PSD3: variants seen among roughly 807,000 people sequenced by gnomAD.
PSD3 encodes the protein pleckstrin and Sec7 domain containing 3, also known as PH and SEC7 domain-containing protein 3.
Under a neutral mutation model 105.5 loss-of-function variants are expected in PSD3, and 49 were observed. The ratio of observed to expected loss-of-function variants is 0.46; its 90% CI spans 0.37 to 0.59. The LOEUF is 0.59. Among genes scored for constraint, PSD3 ranks in the 20% least tolerant of loss-of-function variants. The probability of loss-of-function intolerance (pLI) is 0.00; values close to 1 mark genes in which losing one functional copy is unlikely to be tolerated. For missense variants in PSD3, 1,561 were observed against 1,263.8 expected (o/e 1.24, Z -3.57); for synonymous variants, 557 against 457.8 (o/e 1.22, Z -2.77).
chr8:18,776,000 T>C (rs1808030580), intron 8 of PSD3, among the ~76,000 whole-genome samples: 1 of 152,152 alleles, frequency 6.6e-6, no homozygotes, highest in South Asian at 2.1e-4. Context: ...AACTCTTTAA[T>C]CCAAGTTGAG....
Position 18,655,626 on chromosome 8 carries a change from C to T in PSD3, c.2216+16G>A, listed in dbSNP as rs200179513. ...GAGTAGTTCATTATTAAAAGGCTGA[C>T]GTCCAGCACACTTACACTGCCCATT... is the stretch of plus-strand genomic sequence containing the variant. On this transcript the variant is annotated intron_variant, in intron 10 of 15. Coordinates refer to ENST00000327040, the MANE Select transcript of PSD3 (RefSeq NM_015310.4). The T allele has an allele frequency of 2.3e-5, 37 of 1,612,176 alleles. No homozygotes were observed. Among genetic ancestry groups the T allele is most frequent in the Admixed American group, 1.2e-4 (7 of 59,988 alleles).
At chr8:18,642,078 G>C (rs1807686127) in intron 10 of PSD3, among the ~76,000 whole-genome samples, 1 of 152,110 alleles carries the variant, frequency 6.6e-6, no homozygotes, top group South Asian at 2.1e-4. Flanking sequence ...CAAGAAAAAT[G>C]CTGCCAGATA....
At chr8:19,048,883 G>T (rs769902521) in intron 1 of PSD3, among the ~76,000 whole-genome samples, 1 of 152,180 alleles carries the variant, frequency 6.6e-6, no homozygotes, top group Non-Finnish European at 1.5e-5. Context: ...CAGCTCTGGA[G>T]ACTAGAAGGC....
intron 2 of PSD3, among the ~76,000 whole-genome samples, chr8:18,886,400 C>T (rs1291369316): frequency 2.0e-5 from 3 of 152,074 alleles, no homozygotes; most frequent in East Asian, 1.9e-4. Flanking sequence ...CGGGCATCCC[C>T]GAATAAATGC....
At position 18,674,089 on chromosome 8, in the gene PSD3, T is replaced by A. The variant is rs1026293278; in HGVS notation, c.2173-18404A>T. ...TGAGCCCAGGAAGTGGAGGGTGCAG[T>A]GAGCAGTGATCGTGCCACTGCAGTC... On this transcript the variant is annotated intron_variant, in intron 9 of 15. Coordinates refer to ENST00000327040, the MANE Select transcript of PSD3 (RefSeq NM_015310.4). 1.1e-4 allele frequency among the ~76,000 whole-genome samples: 16 copies of A among 151,742 alleles called. No individual in the cohort carries two copies. The East Asian group carries it at 2.9e-3, about 28-fold the overall frequency.
chr8:18,587,244 C>T (rs1464729416), intron 12 of PSD3, among the ~76,000 whole-genome samples: 1 of 152,132 alleles, frequency 6.6e-6, no homozygotes, highest in Non-Finnish European at 1.5e-5. Flanking sequence ...GCATGGGGGA[C>T]ACTATGCCAC....
In PSD3 at chr8:18,686,513, G is replaced by A. The variant is rs147257791; in HGVS notation, c.2173-30828C>T. 9.6e-4 allele frequency among the ~76,000 whole-genome samples: 146 copies of A among 152,248 alleles called. 1 individual carries two copies. The South Asian group carries it at 0.013, about 13-fold the overall frequency. ...TCTGTTGCAGAACACGTATTTCTAC[G>A]TGGACAGAGTGAAGAGAACTCCTAC... On this transcript the variant is annotated intron_variant, in intron 9 of 15. Coordinates refer to ENST00000327040, the MANE Select transcript of PSD3 (RefSeq NM_015310.4).
At chr8:18,987,635 C>A (rs1326389224) in intron 1 of PSD3, among the ~76,000 whole-genome samples, 2 of 151,970 alleles carry the variant, frequency 1.3e-5, no homozygotes, top group Non-Finnish European at 2.9e-5. Flanking sequence ...CTGGGCAACA[C>A]AGTGAAACCC....
intron 4 of PSD3, among the ~76,000 whole-genome samples, chr8:18,847,627 C>T (rs1190602000): frequency 6.6e-6 from 1 of 152,182 alleles, no homozygotes; most frequent in East Asian, 1.9e-4. Context: ...AGGTGGAATA[C>T]ACCATGTGAA....
chr8:18,742,595 G>C (rs1804661520), intron 9 of PSD3, among the ~76,000 whole-genome samples: 1 of 152,092 alleles, frequency 6.6e-6, no homozygotes, highest in Non-Finnish European at 1.5e-5. Context: ...GTGAATTCCG[G>C]ATCCCCCTGT....
chr8:18,833,604 G>C (rs1813858679), intron 4 of PSD3, among the ~76,000 whole-genome samples: 1 of 152,152 alleles, frequency 6.6e-6, no homozygotes, highest in Non-Finnish European at 1.5e-5. Flanking sequence ...TTTTCCACTA[G>C]TTTCATTCCT....
chr8:18,594,139 T>TAA (rs1563358137), intron 12 of PSD3, among the ~76,000 whole-genome samples: 2 of 30,830 alleles, frequency 6.5e-5, no homozygotes, highest in African/African-American at 1.7e-4. Flanking sequence ...ATATTATATA[T>TAA]ATATTATATA....
At chr8:18,767,917 T>C (rs2129443985) in intron 8 of PSD3, among the ~76,000 whole-genome samples, 1 of 152,070 alleles carries the variant, frequency 6.6e-6, no homozygotes, top group African/African-American at 2.4e-5. Flanking sequence ...TGAAAGTGAA[T>C]TCATTTGAAT....
chr8:18,748,926 A>G (rs1805252149), intron 9 of PSD3, among the ~76,000 whole-genome samples: 1 of 152,228 alleles, frequency 6.6e-6, no homozygotes, highest in Non-Finnish European at 1.5e-5. Context: ...TCTGGTTTGT[A>G]TCAGTAGATA....
rs1809081961 is a variant in PSD3 at position 18,785,745 on chromosome 8, T to C, written c.2082+13550A>G. Among the ~76,000 whole-genome samples the C allele has an allele frequency of 2.6e-5, 4 of 152,306 alleles. No individual in the cohort carries two copies. In the South Asian group the frequency reaches 8.3e-4, roughly 32 times the overall value. On this transcript the variant is annotated intron_variant, in intron 8 of 15. Transcript: ENST00000327040. ...ATTCAAAGCGAGACGTATGAAACTC[T>C]TCCTTTCACTTGAACACTTAGAGGC...
chr8:18,962,065 G>A (rs1418411321), intron 1 of PSD3, among the ~76,000 whole-genome samples: 1 of 152,090 alleles, frequency 6.6e-6, no homozygotes. Context: ...GGCCAACATG[G>A]TAAAATCCCA....
chr8:18,714,151 A>G (rs1802429216), intron 9 of PSD3, among the ~76,000 whole-genome samples: 1 of 152,220 alleles, frequency 6.6e-6, no homozygotes, highest in Non-Finnish European at 1.5e-5. Flanking sequence ...TAAAGACTTA[A>G]ATGTAAAACC....
chr8:18,614,411 AT>A (rs200955910), intron 11 of PSD3, among the ~76,000 whole-genome samples: 121 of 139,970 alleles, frequency 8.6e-4, no homozygotes, highest in Admixed American at 1.2e-3. Context: ...ATTACCGGGA[AT>A]TTTTTTTTTT....
chr8:18,630,017 A>G (rs1037102352), intron 11 of PSD3, among the ~76,000 whole-genome samples: 4 of 151,868 alleles, frequency 2.6e-5, no homozygotes, highest in Admixed American at 2.6e-4. Context: ...AGCCCCATGG[A>G]AAAACAGAGG....
Sources: gnomAD v4.1 joint callset for allele counts (sites outside exome capture counted in the v4.1 genomes callset) on GRCh38, gnomAD v4.1.1 for gene constraint, MANE v1.5 for transcripts, NCBI Gene and HGNC (gene_info 2026-07-23, HGNC 2026-07-21) for gene names.